The following ATAD3C variants were observed in gnomAD, a reference collection of about 807,000 sequenced individuals.
The protein encoded by ATAD3C is ATPase family AAA domain-containing protein 3C.
ATAD3C carries 38 observed loss-of-function variants against 46.3 expected under a neutral mutation model. The observed-to-expected ratio is 0.82, with a 90% CI of 0.63 to 1.08. The LOEUF (loss-of-function observed/expected upper bound fraction) is 1.08. Among genes scored for constraint, ATAD3C ranks in the 50% least tolerant of loss-of-function variants. The probability of loss-of-function intolerance (pLI) is 0.00; values close to 1 mark genes in which losing one functional copy is unlikely to be tolerated. For missense variants in ATAD3C, 563 were observed against 572.7 expected (o/e 0.98, Z 0.17); for synonymous variants, 220 against 236.4 (o/e 0.93, Z 0.63).
intron 8 of ATAD3C, among the ~76,000 whole-genome samples, chr1:1,457,566 A>C (rs1638985422): frequency 7.4e-6 from 1 of 135,546 alleles, no homozygotes; most frequent in African/African-American, 3.0e-5. Flanking sequence ...GCTGCACTCC[A>C]GCCTGGGCGA....
rs527518397 is a variant in ATAD3C at position 1,467,174 on chromosome 1, G to A, written c.1090-1210G>A. ...ACGTGACATTTAGCTGTCACTTCTGGTGGGCTCCTGCCAGGTCCCGTGCTT... is the reference window on the plus strand; with the variant it reads ...ACGTGACATTTAGCTGTCACTTCTGATGGGCTCCTGCCAGGTCCCGTGCTT... On this transcript the variant is annotated intron_variant, in intron 11 of 11. Coordinates refer to ENST00000378785, the MANE Select transcript of ATAD3C (RefSeq NM_001039211.3). Among the ~76,000 whole-genome samples the A allele has an allele frequency of 1.3e-3, 192 of 152,156 alleles. 3 individuals are homozygous for A. Among genetic ancestry groups the A allele is most frequent in the African/African-American group, 4.3e-3 (180 of 41,534 alleles).
intron 11 of ATAD3C, among the ~76,000 whole-genome samples, chr1:1,464,228 G>C (rs1399951340): frequency 6.6e-6 from 1 of 151,320 alleles, no homozygotes; most frequent in African/African-American, 2.4e-5. Flanking sequence ...AAAAGAACAG[G>C]AGTGTGGTCG....
At chr1:1,466,670 CATTG>C (rs761305450) in intron 11 of ATAD3C, among the ~76,000 whole-genome samples, 6 of 151,706 alleles carry the variant, frequency 4.0e-5, no homozygotes, top group South Asian at 4.2e-4. Context: ...GTATGTGGAA[CATTG>C]ATTGATTTTC....
At chr1:1,461,978 A>C (rs968573902) in intron 10 of ATAD3C, among the ~76,000 whole-genome samples, 5 of 152,210 alleles carry the variant, frequency 3.3e-5, no homozygotes, top group Middle Eastern at 3.4e-3. Flanking sequence ...CTGGCGCCTC[A>C]CACTGGCTGC....
At chr1:1,468,020 G>A (rs1252561273) in intron 11 of ATAD3C, among the ~76,000 whole-genome samples, 3 of 151,854 alleles carry the variant, frequency 2.0e-5, no homozygotes, top group African/African-American at 4.8e-5. Context: ...AGGGTCTGAG[G>A]TGCACTATGA....
rs1445080276 is a variant in ATAD3C, at chr1:1,464,332, T to TG, written c.1089+1626dup. Among the ~76,000 whole-genome samples the TG allele has an allele frequency of 1.3e-5, 2 of 151,808 alleles. 1 individual carries two copies. The highest frequency in any genetic ancestry group is 2.9e-5 in the Non-Finnish European group (2 of 67,936). ...AGGGTGCCAGCTCGGTCCCTCCCTG[T>TG]GGAGTGTTCTTTGCTGGGTCCTCAT... On this transcript the variant is annotated intron_variant, in intron 11 of 11. Coordinates refer to ENST00000378785, the MANE Select transcript of ATAD3C (RefSeq NM_001039211.3).
chr1:1,466,166 C>T (rs538884615), intron 11 of ATAD3C, among the ~76,000 whole-genome samples: 23 of 148,256 alleles, frequency 1.6e-4, no homozygotes, highest in Admixed American at 5.5e-4. Flanking sequence ...CGCATGAATG[C>T]GGCAAGCAGA....
intron 3 of ATAD3C, among the ~76,000 whole-genome samples, chr1:1,453,899 C>T (rs961521920): frequency 6.6e-6 from 1 of 151,970 alleles, no homozygotes; most frequent in African/African-American, 2.4e-5. Context: ...CCTCAGCCTC[C>T]CAAAGTGCTG....
intron 9 of ATAD3C, 144 bp from the exon 10 acceptor site, chr1:1,460,606 G>A (rs970117662): frequency 2.1e-5 from 29 of 1,378,130 alleles, no homozygotes; most frequent in South Asian, 3.5e-5. Flanking sequence ...CTGTGGCTGC[G>A]TTCTCCCCAT....
chr1:1,456,148 C>T, intron 6 of ATAD3C, 77 bp from the exon 7 acceptor site: 1 of 1,539,094 alleles, frequency 6.5e-7, no homozygotes, highest in Non-Finnish European at 8.7e-7. Context: ...AGAGCCTCCA[C>T]ACTCCGGGTG....
rs1638831523 is a variant in ATAD3C, at chr1:1,450,246, A to C, written c.-438A>C. The C allele has an allele frequency of 6.3e-6, 1 of 158,258 alleles. No homozygotes were observed. Among genetic ancestry groups the C allele is most frequent in the Non-Finnish European group, 1.4e-5 (1 of 72,496 alleles). The allele number at this position is 158,258 out of a possible 1,614,324, so 9.8% of individuals were successfully genotyped here. On this transcript the variant is annotated 5_prime_UTR_variant, in exon 1 of 12. Coordinates refer to ENST00000378785, the MANE Select transcript of ATAD3C (RefSeq NM_001039211.3). Reference sequence around the variant, plus strand: ...AGGCTGAGGCAGGAGAGTGACGTGAACCCGAGAGGTAGAGCTTGCAGTAAG... The same window carrying C: ...AGGCTGAGGCAGGAGAGTGACGTGACCCCGAGAGGTAGAGCTTGCAGTAAG...
At chr1:1,466,286 G>C (rs1189413538) in intron 11 of ATAD3C, among the ~76,000 whole-genome samples, 2 of 149,692 alleles carry the variant, frequency 1.3e-5, no homozygotes, top group Non-Finnish European at 3.0e-5. Context: ...GGTGGCTCAC[G>C]CCTGTAATCC....
rs146013712 is a variant in ATAD3C, at chr1:1,460,883, G to A, written c.946G>A (p.Glu316Lys). The change falls in exon 10 of 12, where the codon GAG (glutamate) becomes AAG (lysine). Residue 316 changes from glutamate to lysine, a missense_variant. Coordinates refer to ENST00000378785, the MANE Select transcript of ATAD3C (RefSeq NM_001039211.3). Reference sequence around the variant, plus strand: ...GCGCCTGGTGAGAATGTATCTTAACGAGTATGTTCTTAAGCCGGCCACAGA... The same window carrying A: ...GCGCCTGGTGAGAATGTATCTTAACAAGTATGTTCTTAAGCCGGCCACAGA... ...RARLVRMYLN[E>K]YVLKPATEGK... is the part of the protein sequence containing the mutation. 20 of 1,612,418 alleles carry A rather than the reference G, an allele frequency of 1.2e-5. No homozygotes were observed. The highest frequency in any genetic ancestry group is 7.7e-5 in the South Asian group (7 of 90,818).
In ATAD3C at chr1:1,455,813, G is replaced by T. The variant is rs1553198590; in HGVS notation, c.461G>T (p.Arg154Leu). Residue 154 changes from arginine (R) to leucine (L), a missense_variant, in exon 6 of 12, where the codon CGC becomes CTC. Physicochemically the swap from Arg to Leu is moderately radical, Grantham distance 102 (BLOSUM62 -2). This residue lies in a region of ATAD3C where 263 missense variants were observed against 243.1 expected (regional missense o/e 1.08). Transcript: ENST00000378785. ...VLSPSLEARV[R>L]DIAIMTRNIK... Reference sequence around the variant, plus strand: ...CAGCCCAGCCTGGAAGCACGGGTGCGCGACATCGCCATAATGACAAGGAAC... The same window carrying T: ...CAGCCCAGCCTGGAAGCACGGGTGCTCGACATCGCCATAATGACAAGGAAC... 1.9e-6 allele frequency: 3 copies of T among 1,613,330 alleles called. No individual in the cohort carries two copies. The African/African-American group carries it at 4.0e-5, about 22-fold the overall frequency.
chr1:1,454,182 G>A (rs1016132212), intron 3 of ATAD3C, among the ~76,000 whole-genome samples, 163 bp from the exon 4 acceptor site: 8 of 152,064 alleles, frequency 5.3e-5, no homozygotes, highest in African/African-American at 1.9e-4. Flanking sequence ...TAACCGCGTG[G>A]CTGTGGGATT....
At chr1:1,458,796 C>T (rs865896751) in intron 8 of ATAD3C, among the ~76,000 whole-genome samples, 8 of 151,450 alleles carry the variant, frequency 5.3e-5, no homozygotes, top group African/African-American at 1.9e-4. Flanking sequence ...CATTTCAGCT[C>T]GCTGCAACCT....
At chr1:1,461,620 G>A (rs992893483) in intron 10 of ATAD3C, among the ~76,000 whole-genome samples, 16 of 150,814 alleles carry the variant, frequency 1.1e-4, no homozygotes, top group South Asian at 2.1e-4. Context: ...TCGAAGGAGA[G>A]TCTCCTCATG....
intron 4 of ATAD3C, 69 bp from the exon 5 acceptor site, chr1:1,455,391 T>C (rs1288074096): frequency 1.9e-6 from 3 of 1,582,968 alleles, no homozygotes; most frequent in Non-Finnish European, 2.6e-6. Context: ...TTACCGAGCT[T>C]GTGTGTGCGT....
chr1:1,457,231 G>T, intron 8 of ATAD3C, 51 bp downstream of exon 8: 2 of 1,611,718 alleles, frequency 1.2e-6, no homozygotes, highest in Non-Finnish European at 1.7e-6. Context: ...TGGGGTGTGT[G>T]CGGCTGTCAT....
Sources: gnomAD v4.1 joint callset for allele counts (sites outside exome capture counted in the v4.1 genomes callset) on GRCh38, gnomAD v4.1.1 for gene constraint, gnomAD v4.1.1 regional missense constraint, MANE v1.5 for transcripts, NCBI Gene and HGNC (gene_info 2026-07-23, HGNC 2026-07-21) for gene names.